WNT5A: variants seen among roughly 807,000 people sequenced by gnomAD.
The protein encoded by WNT5A is protein Wnt-5a.
Under a neutral mutation model 42.1 loss-of-function variants are expected in WNT5A, and 9 were observed. The ratio of observed to expected loss-of-function variants is 0.21; its 90% CI spans 0.13 to 0.37. The LOEUF (loss-of-function observed/expected upper bound fraction) is 0.37. Ranked by LOEUF, WNT5A falls within the 10% of genes least tolerant of loss-of-function variation. The pLI, the probability that WNT5A is intolerant of heterozygous loss-of-function variation, is 1.00. For missense variants in WNT5A, 426 were observed against 534.0 expected, an observed-to-expected ratio of 0.80 and a Z score of 1.99; for synonymous variants, 210 against 210.0, an observed-to-expected ratio of 1.00 and a Z score of 0.00.
In WNT5A at chr3:55,487,072, G is replaced by C. The variant is rs1291208193; in HGVS notation, c.-87C>G. 1 of 1,235,136 alleles carries C rather than the reference G, an allele frequency of 8.1e-7. No homozygotes were observed. Among genetic ancestry groups the C allele is most frequent in the African/African-American group, 1.5e-5 (1 of 68,020 alleles). 76.5% of individuals were successfully genotyped at this position (1,235,136 alleles called of 1,614,324 possible). ...GAGCGGAGCGACCGGGTTAAGCCTG[G>C]GGGGACGGTCAGGAGCAGGGCTGCG... is the stretch of plus-strand genomic sequence containing the variant. On this transcript the variant is annotated 5_prime_UTR_variant, in exon 1 of 5. Coordinates refer to ENST00000264634, the MANE Select transcript of WNT5A (RefSeq NM_003392.7).
Position 55,466,132 on chromosome 3 carries a change from A to ATCTCTCT in WNT5A, c.*3953_*3959dup, listed in dbSNP as rs2051138583. Reference sequence around the variant, plus strand: ...CATCATCTTACTTTCAAAACACGGCATCTCTCTTTCACCATTCCACAGAGA... The same window carrying ATCTCTCT: ...CATCATCTTACTTTCAAAACACGGCATCTCTCTTCTCTCTTTCACCATTCCACAGAGA... On this transcript the variant is annotated 3_prime_UTR_variant, in exon 5 of 5. Coordinates refer to ENST00000264634, the MANE Select transcript of WNT5A (RefSeq NM_003392.7). 1 of 152,218 alleles carries ATCTCTCT rather than the reference A, an allele frequency of 6.6e-6. No homozygotes were observed. The highest frequency in any genetic ancestry group is 1.5e-5 in the Non-Finnish European group (1 of 68,042). The allele number at this position is 152,218 out of a possible 1,614,324, so 9.4% of individuals were successfully genotyped here. A position where few individuals can be genotyped will look rare whatever the true frequency, so the allele number is the denominator to read the frequency against.
rs780265576 is a variant in WNT5A, at chr3:55,470,493, T to C, written c.742A>G (p.Ser248Gly). The change falls in exon 5 of 5, where the codon AGC becomes GGC. Residue 248 changes from serine (S) to glycine (G), a missense_variant. Ser to Gly is a moderately conservative substitution (Grantham distance 56). Around this residue, in one of 3 missense-constraint regions of WNT5A, gnomAD observed 358 missense variants for 468.1 expected, o/e 0.76. Transcript: ENST00000264634. ...CKCHGVSGSC[S>G]LKTCWLQLAD... ...AGCTGCAGCCAGCATGTCTTCAGGC[T>C]ACATGAGCCGGACACCCCATGGCAC... 1 of 1,603,468 alleles carries C rather than the reference T, an allele frequency of 6.2e-7. No individual in the cohort carries two copies. The highest frequency in any genetic ancestry group is 8.5e-7 in the Non-Finnish European group (1 of 1,174,714).
chr3:55,495,090 T>C (rs2051701911), upstream of WNT5A, among the ~76,000 whole-genome samples: 4 of 152,248 alleles, frequency 2.6e-5, no homozygotes, highest in Admixed American at 2.6e-4. Context: ...ACATCTGGTG[T>C]ACAAAACAAT....
intron 1 of WNT5A, among the ~76,000 whole-genome samples, chr3:55,485,420 C>A (rs753034240): frequency 6.6e-6 from 1 of 151,902 alleles, no homozygotes. Context: ...GAGGGTCTTC[C>A]GTTGAGAGGG....
chr3:55,471,086 C>T (rs2051242347), intron 4 of WNT5A, among the ~76,000 whole-genome samples: 1 of 152,168 alleles, frequency 6.6e-6, no homozygotes, highest in African/African-American at 2.4e-5. Flanking sequence ...CCGGTAAGTG[C>T]AGAATTGGGA....
intron 3 of WNT5A, among the ~76,000 whole-genome samples, chr3:55,475,816 C>T (rs1394173058): frequency 6.6e-6 from 1 of 152,100 alleles, no homozygotes; most frequent in African/African-American, 2.4e-5. Flanking sequence ...CATAGAGTAC[C>T]CTAAACTTCG....
the WNT5A span, chr3:55,497,609 A>T: frequency 6.6e-6 from 1 of 152,242 alleles, no homozygotes; most frequent in African/African-American, 2.4e-5. Context: ...AGCATTTTAC[A>T]TACATAATAT....
At chr3:55,481,118 C>G (rs1370012613) in intron 1 of WNT5A, 200 bp from the exon 2 acceptor site, 4 of 693,276 alleles carry the variant, frequency 5.8e-6, no homozygotes, top group Non-Finnish European at 8.0e-6. Flanking sequence ...ACCAGGAAAT[C>G]TGATTTCGCT....
At chr3:55,497,160 C>T in the WNT5A span, among the ~76,000 whole-genome samples, 1 of 152,318 alleles carries the variant, frequency 6.6e-6, no homozygotes, top group South Asian at 2.1e-4. Flanking sequence ...AGAAGACAGT[C>T]CCAAATGCAT....
rs749195503 is a variant in WNT5A at position 55,474,439 on chromosome 3, C to T, written c.582G>A (p.Lys194=). The T allele has an allele frequency of 2.5e-6, 4 of 1,610,118 alleles. No homozygotes were observed. The East Asian group carries it at 9.0e-5, about 36-fold the overall frequency. Residue 194 remains lysine (K), a synonymous_variant, in exon 4 of 5, where the codon AAG becomes AAA. Transcript: ENST00000264634. Reference sequence around the variant, plus strand: ...CCCGCTCGCGGGCGTCCACGAACTCCTTGGCAAAGCGGTAGCCATAGTCGA... The same window carrying T: ...CCCGCTCGCGGGCGTCCACGAACTCTTTGGCAAAGCGGTAGCCATAGTCGA... ...DNIDYGYRFA[K]EFVDARERER...
chr3:55,476,589 G>C (rs1211665738), intron 3 of WNT5A, among the ~76,000 whole-genome samples: 1 of 152,168 alleles, frequency 6.6e-6, no homozygotes, highest in Non-Finnish European at 1.5e-5. Flanking sequence ...GCATAAGAAG[G>C]CTTTATACAA....
upstream of WNT5A, among the ~76,000 whole-genome samples, chr3:55,495,531 G>T (rs2051706586): frequency 6.6e-6 from 1 of 152,058 alleles, no homozygotes; most frequent in South Asian, 2.1e-4. Flanking sequence ...TCTTTTTTAA[G>T]ACTGAATAGT....
At chr3:55,501,285 C>T in the WNT5A span, among the ~76,000 whole-genome samples, 1 of 152,180 alleles carries the variant, frequency 6.6e-6, no homozygotes, top group African/African-American at 2.4e-5. Context: ...ATTGGTTCAA[C>T]AGCAATGTCC....
chr3:55,476,838 A>G (rs532204615), intron 3 of WNT5A, among the ~76,000 whole-genome samples: 7 of 152,210 alleles, frequency 4.6e-5, no homozygotes, highest in Non-Finnish European at 1.0e-4. Flanking sequence ...CACCCCTTAC[A>G]AATGGTGCCT....
upstream of WNT5A, among the ~76,000 whole-genome samples, chr3:55,492,534 C>T (rs377650447): frequency 1.4e-4 from 21 of 152,222 alleles, no homozygotes; most frequent in East Asian, 7.7e-4. Flanking sequence ...GTTCCTGGGT[C>T]CCCTGGTGGA....
At chr3:55,494,641 T>A (rs889688468), upstream of WNT5A, among the ~76,000 whole-genome samples, 1 of 152,096 alleles carries the variant, frequency 6.6e-6, no homozygotes, top group African/African-American at 2.4e-5. Flanking sequence ...CAGGTTCAAG[T>A]GATTCTCCTG....
the WNT5A span, among the ~76,000 whole-genome samples, chr3:55,504,048 G>A: frequency 6.6e-6 from 1 of 152,138 alleles, no homozygotes; most frequent in African/African-American, 2.4e-5. Context: ...AAGACAGGTG[G>A]ATCACTTGAG....
upstream of WNT5A, among the ~76,000 whole-genome samples, chr3:55,488,933 T>C (rs193263978): frequency 5.9e-5 from 9 of 152,286 alleles, no homozygotes; most frequent in African/African-American, 2.2e-4. Flanking sequence ...GGCGCTCACC[T>C]CCTGCAAAGT....
chr3:55,491,850 G>A (rs1046028617), upstream of WNT5A, among the ~76,000 whole-genome samples: 1 of 152,220 alleles, frequency 6.6e-6, no homozygotes, highest in Non-Finnish European at 1.5e-5. Flanking sequence ...AGACCAGCAG[G>A]GCTGTGTGAG....
Sources: gnomAD v4.1 joint callset for allele counts (sites outside exome capture counted in the v4.1 genomes callset) on GRCh38, gnomAD v4.1.1 for gene constraint, gnomAD v4.1.1 regional missense constraint, MANE v1.5 for transcripts, NCBI Gene and HGNC (gene_info 2026-07-23, HGNC 2026-07-21) for gene names.